The following CNBD1 variants were observed in gnomAD, a reference collection of about 807,000 sequenced individuals.
CNBD1 encodes cyclic nucleotide-binding domain-containing protein 1.
A neutral mutation model predicts 54.4 loss-of-function variants in CNBD1; 71 were observed. That is an observed-to-expected ratio of 1.30 (90% CI 1.08 to 1.59). CNBD1 has a LOEUF of 1.59. Among genes scored for constraint, CNBD1 ranks in the 40% most tolerant of loss-of-function variants. The pLI is 0.00. For missense variants in CNBD1, 659 were observed against 518.0 expected, an observed-to-expected ratio of 1.27 and a Z score of -2.64; for synonymous variants, 182 against 170.7, an observed-to-expected ratio of 1.07 and a Z score of -0.51.
chr8:87,016,763 T>C (rs1446053204), intron 4 of CNBD1, among the ~76,000 whole-genome samples: 1 of 152,188 alleles, frequency 6.6e-6, no homozygotes, highest in African/African-American at 2.4e-5. Flanking sequence ...CAGGAAGCTA[T>C]TCCTAAAAAA....
chr8:87,127,551 T>A (rs1256816919), intron 4 of CNBD1, among the ~76,000 whole-genome samples: 2 of 152,142 alleles, frequency 1.3e-5, no homozygotes, highest in African/African-American at 4.8e-5. Flanking sequence ...GTGGATTTTT[T>A]CATAGGTTTC....
At chr8:87,256,125 C>A (rs529850270) in intron 6 of CNBD1, among the ~76,000 whole-genome samples, 1 of 144,216 alleles carries the variant, frequency 6.9e-6, no homozygotes, top group African/African-American at 2.6e-5. Context: ...TGGGTTCAAG[C>A]GATTCTCCTG....
chr8:87,406,529 G>C (rs1376187078), intron 2 of CNBD1, among the ~76,000 whole-genome samples: 2 of 148,740 alleles, frequency 1.3e-5, no homozygotes, highest in African/African-American at 2.5e-5. Context: ...ACCTAGGCTG[G>C]AGTTCAGTGG....
chr8:86,890,987 A>G (rs891453467), intron 2 of CNBD1, among the ~76,000 whole-genome samples: 2 of 150,296 alleles, frequency 1.3e-5, no homozygotes, highest in Admixed American at 1.3e-4. Flanking sequence ...ATATTTGGAT[A>G]TTAATTCCTT....
At chr8:87,260,775 G>A (rs954401584) in intron 6 of CNBD1, among the ~76,000 whole-genome samples, 1 of 151,912 alleles carries the variant, frequency 6.6e-6, no homozygotes, top group Non-Finnish European at 1.5e-5. Flanking sequence ...CATTTGGAAT[G>A]TTCTACTATA....
intron 4 of CNBD1, among the ~76,000 whole-genome samples, chr8:87,099,304 C>A (rs1811383899): frequency 6.6e-6 from 1 of 152,070 alleles, no homozygotes; most frequent in South Asian, 2.1e-4. Context: ...CACCAGAGGC[C>A]TCTGTGGGAC....
chr8:87,371,618 A>T (rs1018842195), intron 10 of CNBD1, among the ~76,000 whole-genome samples: 25 of 152,162 alleles, frequency 1.6e-4, no homozygotes, highest in African/African-American at 6.0e-4. Flanking sequence ...ATCCAGCAGC[A>T]CATCAAAAAG....
At chr8:87,391,064 G>T (rs148140399) in intron 2 of CNBD1, among the ~76,000 whole-genome samples, 2,844 of 151,838 alleles carry the variant, frequency 0.019, 93 homozygotes, top group African/African-American at 0.062. Context: ...ACACAGGAAG[G>T]GGAACATCAC....
At chr8:87,336,958 G>T (rs1239250791) in intron 8 of CNBD1, among the ~76,000 whole-genome samples, 1 of 152,072 alleles carries the variant, frequency 6.6e-6, no homozygotes, top group East Asian at 1.9e-4. Flanking sequence ...CCCCTCTTCT[G>T]TAGGGCTGCT....
intron 5 of CNBD1, among the ~76,000 whole-genome samples, chr8:87,231,804 G>A (rs767689797): frequency 2.0e-5 from 3 of 152,052 alleles, no homozygotes; most frequent in Non-Finnish European, 4.4e-5. Context: ...ATGTGCATAT[G>A]TATACCTTAA....
chr8:87,396,755 A>G (rs1811414159), intron 2 of CNBD1, among the ~76,000 whole-genome samples: 1 of 151,702 alleles, frequency 6.6e-6, no homozygotes, highest in African/African-American at 2.4e-5. Flanking sequence ...ATTGGAAATA[A>G]TTTCTTCAGT....
At chr8:87,371,516 C>T (rs373302228) in intron 10 of CNBD1, among the ~76,000 whole-genome samples, 106 of 151,968 alleles carry the variant, frequency 7.0e-4, no homozygotes, top group Non-Finnish European at 1.3e-3. Flanking sequence ...ATACCAAAGC[C>T]AGGCAGAGAC....
At chr8:87,160,799 A>C (rs1433195972) in intron 4 of CNBD1, among the ~76,000 whole-genome samples, 2 of 152,044 alleles carry the variant, frequency 1.3e-5, no homozygotes, top group Non-Finnish European at 2.9e-5. Context: ...CCATAACCAG[A>C]CACAGTGCCC....
Position 86,870,487 on chromosome 8 carries a change from G to A in CNBD1, c.88+3904G>A, listed in dbSNP as rs184863076. ...GCTGGGATTACAGATGTGAGCCACC[G>A]CGCCTGGCCAACACGATAGTACTCT... On this transcript the variant is annotated intron_variant, in intron 1 of 10. Coordinates refer to ENST00000518476, the MANE Select transcript of CNBD1 (RefSeq NM_173538.3). Among the ~76,000 whole-genome samples, 28 of 151,984 alleles carry A rather than the reference G, an allele frequency of 1.8e-4. No homozygotes were observed. The East Asian group carries it at 4.9e-3, about 26-fold the overall frequency.
At chr8:86,953,501 T>A (rs2130452305) in intron 4 of CNBD1, among the ~76,000 whole-genome samples, 1 of 152,294 alleles carries the variant, frequency 6.6e-6, no homozygotes, top group East Asian at 1.9e-4. Context: ...AGAAATCCCG[T>A]ACAATTTTGG....
intron 8 of CNBD1, among the ~76,000 whole-genome samples, chr8:87,329,046 AT>A (rs71277934): frequency 2.4e-4 from 36 of 150,462 alleles, no homozygotes; most frequent in South Asian, 2.1e-3. Flanking sequence ...TAGGAGTTTT[AT>A]TTTTTTTTAT....
chr8:87,064,224 T>C (rs1487465130), intron 4 of CNBD1, among the ~76,000 whole-genome samples: 2 of 152,054 alleles, frequency 1.3e-5, no homozygotes, highest in African/African-American at 4.8e-5. Flanking sequence ...TTTGCCAATA[T>C]TCCTAACATA....
chr8:87,313,578 T>G (rs911051428), intron 8 of CNBD1, among the ~76,000 whole-genome samples: 3 of 151,970 alleles, frequency 2.0e-5, no homozygotes, highest in Non-Finnish European at 4.4e-5. Context: ...TTTAGCAAAC[T>G]GTCTCAACCA....
intron 4 of CNBD1, among the ~76,000 whole-genome samples, chr8:86,998,340 T>G (rs1808923093): frequency 6.6e-6 from 1 of 152,112 alleles, no homozygotes; most frequent in Non-Finnish European, 1.5e-5. Flanking sequence ...GGTCTTCTTG[T>G]GCTGAGGAAC....
Sources: gnomAD v4.1 joint callset for allele counts (sites outside exome capture counted in the v4.1 genomes callset) on GRCh38, gnomAD v4.1.1 for gene constraint, MANE v1.5 for transcripts, NCBI Gene and HGNC (gene_info 2026-07-23, HGNC 2026-07-21) for gene names.